The following CACHD1 variants were observed in gnomAD, a reference collection of about 807,000 sequenced individuals.
The protein encoded by CACHD1 is VWFA and cache domain-containing protein 1.
Under a neutral mutation model 138.7 loss-of-function variants are expected in CACHD1, and 71 were observed. The ratio of observed to expected loss-of-function variants is 0.51; its 90% CI spans 0.42 to 0.62. The LOEUF (loss-of-function observed/expected upper bound fraction) is 0.62, where lower values mean the gene tolerates loss of function less well. CACHD1 is among the 20% of genes least tolerant of loss of function. CACHD1 has a pLI of 0.00. For missense variants in CACHD1, 1,389 were observed against 1,625.3 expected, an observed-to-expected ratio of 0.85 and a Z score of 2.50; for synonymous variants, 578 against 591.5, an observed-to-expected ratio of 0.98 and a Z score of 0.33.
At chr1:64,665,028 A>G (rs1649582827) in intron 15 of CACHD1, among the ~76,000 whole-genome samples, 1 of 152,216 alleles carries the variant, frequency 6.6e-6, no homozygotes, top group South Asian at 2.1e-4. Flanking sequence ...CAGCTTATGT[A>G]TGACCTGTGA....
intron 26 of CACHD1, 43 bp downstream of exon 26, chr1:64,682,149 T>G (rs1181685459): frequency 6.5e-7 from 1 of 1,534,688 alleles, no homozygotes; most frequent in Non-Finnish European, 9.0e-7. Context: ...AGGAACCTCA[T>G]GTACTCCTGT....
Position 64,692,757 on chromosome 1 carries a change from T to G in CACHD1, c.*1196T>G, listed in dbSNP as rs1650603280. 6.6e-6 allele frequency: 1 copy of G among 152,250 alleles called. No homozygotes were observed. The highest frequency in any genetic ancestry group is 1.5e-5 in the Non-Finnish European group (1 of 68,044). 9.4% of individuals were successfully genotyped at this position (152,250 alleles called of 1,614,324 possible). ...CTGGCTACTATAACATGGGGCATTG[T>G]AACTTTAAAGTAGTGTTTTAATTAC... On this transcript the variant is annotated 3_prime_UTR_variant, in exon 27 of 27. Transcript: ENST00000651257.
At chr1:64,487,634 A>G (rs536754649) in intron 1 of CACHD1, among the ~76,000 whole-genome samples, 1 of 140,512 alleles carries the variant, frequency 7.1e-6, no homozygotes, top group East Asian at 2.0e-4. Context: ...CTCCTTTTTT[A>G]AAAAAAAAAT....
At chr1:64,581,056 T>G (rs1647008611) in intron 2 of CACHD1, among the ~76,000 whole-genome samples, 1 of 152,176 alleles carries the variant, frequency 6.6e-6, no homozygotes, top group Non-Finnish European at 1.5e-5. Flanking sequence ...TATACTCATA[T>G]CCCTTTGTTA....
chr1:64,528,683 G>A (rs182791069), intron 1 of CACHD1, among the ~76,000 whole-genome samples: 1 of 152,050 alleles, frequency 6.6e-6, no homozygotes, highest in East Asian at 1.9e-4. Flanking sequence ...ATTTTCCTAG[G>A]TTTGTTGCTT....
intron 25 of CACHD1, among the ~76,000 whole-genome samples, chr1:64,681,541 G>GTTTTTTTTTTTTTTTTTTTTTTTTTTT (rs57993424): frequency 2.9e-5 from 2 of 68,148 alleles, no homozygotes; most frequent in South Asian, 6.3e-4. Flanking sequence ...ATTTTATTGT[G>GTTTTTTTTTTTTTTTTTTTTTTTTTTT]TTTTTTTTTT....
At chr1:64,591,306 G>A (rs1171234321) in intron 3 of CACHD1, among the ~76,000 whole-genome samples, 2 of 152,160 alleles carry the variant, frequency 1.3e-5, no homozygotes, top group African/African-American at 4.8e-5. Context: ...GAGATATGGA[G>A]GAAGAGCTTT....
intron 4 of CACHD1, among the ~76,000 whole-genome samples, chr1:64,608,115 C>T (rs577877961): frequency 2.0e-5 from 3 of 152,260 alleles, no homozygotes; most frequent in South Asian, 4.1e-4. Context: ...TAACCTACTA[C>T]ATAACAAGAG....
At chr1:64,548,804 T>TAGCTAACAA in intron 1 of CACHD1, among the ~76,000 whole-genome samples, 1 of 152,248 alleles carries the variant, frequency 6.6e-6, no homozygotes, top group Non-Finnish European at 1.5e-5. Flanking sequence ...ACAAATGTGT[T>TAGCTAACAA]ATGTAAAACT....
intron 4 of CACHD1, among the ~76,000 whole-genome samples, chr1:64,628,716 A>G (rs2100632683): frequency 6.6e-6 from 1 of 152,252 alleles, no homozygotes; most frequent in East Asian, 1.9e-4. Context: ...TAAATCACTT[A>G]AGCATATTTT....
chr1:64,557,240 A>C (rs1340133997), intron 2 of CACHD1, among the ~76,000 whole-genome samples: 4 of 152,210 alleles, frequency 2.6e-5, no homozygotes, highest in Non-Finnish European at 5.9e-5. Flanking sequence ...TATGGTCTGC[A>C]AAACACAAAG....
At chr1:64,626,317 A>G (rs908718868) in intron 4 of CACHD1, among the ~76,000 whole-genome samples, 10 of 152,206 alleles carry the variant, frequency 6.6e-5, no homozygotes, top group African/African-American at 2.4e-4. Flanking sequence ...ACATGTGTTA[A>G]TTTTTGGAAA....
chr1:64,489,070 C>T (rs1029394072), intron 1 of CACHD1, among the ~76,000 whole-genome samples: 1 of 152,084 alleles, frequency 6.6e-6, no homozygotes, highest in African/African-American at 2.4e-5. Flanking sequence ...GGGTCATGTT[C>T]CCTGGAGGAT....
At chr1:64,527,459 C>T (rs1012637616) in intron 1 of CACHD1, among the ~76,000 whole-genome samples, 20 of 152,104 alleles carry the variant, frequency 1.3e-4, no homozygotes, top group Non-Finnish European at 2.9e-4. Context: ...GTATTTTGTG[C>T]GGTAACAGTG....
intron 26 of CACHD1, among the ~76,000 whole-genome samples, chr1:64,687,193 T>A (rs1650397622): frequency 6.6e-6 from 1 of 152,222 alleles, no homozygotes; most frequent in African/African-American, 2.4e-5. Flanking sequence ...AAATAGTGCG[T>A]CTTCCTCCAT....
At chr1:64,577,940 T>C (rs190690263) in intron 2 of CACHD1, among the ~76,000 whole-genome samples, 238 of 152,154 alleles carry the variant, frequency 1.6e-3, no homozygotes, top group African/African-American at 5.5e-3. Flanking sequence ...TCTACCCCGA[T>C]CCCCCAGTAA....
chr1:64,514,344 G>C (rs1238153863), intron 1 of CACHD1, among the ~76,000 whole-genome samples: 1 of 152,200 alleles, frequency 6.6e-6, no homozygotes, highest in East Asian at 1.9e-4. Context: ...GGGAGTTAAA[G>C]AGGCCAAAAA....
At chr1:64,550,271 T>C (rs1474568705) in intron 1 of CACHD1, among the ~76,000 whole-genome samples, 4 of 152,186 alleles carry the variant, frequency 2.6e-5, no homozygotes. Context: ...GCGCAGGATT[T>C]AAATGAGAAA....
chr1:64,470,673 T>C lies in CACHD1; in HGVS notation c.-72T>C, dbSNP rs552021142. 1 of 457,882 alleles carries C rather than the reference T, an allele frequency of 2.2e-6. No homozygotes were observed. Among genetic ancestry groups the C allele is most frequent in the South Asian group, 4.2e-5 (1 of 24,062 alleles). The allele number at this position is 457,882 out of a possible 1,614,324, so 28.4% of individuals were successfully genotyped here. A position where few individuals can be genotyped will look rare whatever the true frequency, so the allele number is the denominator to read the frequency against. ...AACTTTTGCGGGGTGCGCCGCGCTTTTGCGGGGGGCACCTCCCGCGGCCCG... is the reference window on the plus strand; with the variant it reads ...AACTTTTGCGGGGTGCGCCGCGCTTCTGCGGGGGGCACCTCCCGCGGCCCG... On this transcript the variant is annotated 5_prime_UTR_variant, in exon 1 of 27. Transcript: ENST00000651257. The surrounding 1 kb of genome is among the most constrained non-coding windows in gnomAD (Gnocchi z 5.2).
Sources: allele counts gnomAD v4.1 joint callset (sites outside exome capture counted in the v4.1 genomes callset), GRCh38; gene constraint gnomAD v4.1.1; non-coding constraint Gnocchi (gnomAD v3.1); transcripts MANE v1.5; gene names NCBI Gene and HGNC (gene_info 2026-07-23, HGNC 2026-07-21).